RAB3GAP1: variants seen among roughly 807,000 people sequenced by gnomAD.
RAB3GAP1 encodes the protein RAB3 GTPase activating protein catalytic subunit 1, also known as rab3 GTPase-activating protein catalytic subunit.
A neutral mutation model predicts 130.7 loss-of-function variants in RAB3GAP1; 86 were observed. The ratio of observed to expected loss-of-function variants is 0.66; its 90% CI spans 0.55 to 0.79. The LOEUF is 0.79. RAB3GAP1 is among the 30% of genes least tolerant of loss of function. The pLI, the probability that RAB3GAP1 is intolerant of heterozygous loss-of-function variation, is 0.00. For synonymous variants in RAB3GAP1, 367 were observed against 401.7 expected (o/e 0.91, Z 1.03); for missense variants, 1,029 against 1,169.4 (o/e 0.88, Z 1.75).
chr2:135,131,661 G>T (rs1335104897), intron 13 of RAB3GAP1, among the ~76,000 whole-genome samples: 2 of 152,190 alleles, frequency 1.3e-5, no homozygotes, highest in Non-Finnish European at 1.5e-5. Context: ...CAGCCTGGGG[G>T]CCATCCACAC....
In RAB3GAP1 at chr2:135,168,556, G is replaced by A. The variant is rs138004494; in HGVS notation, c.2721G>A (p.Met907Ile). The change falls in exon 24 of 24, where the codon ATG (methionine) becomes ATA (isoleucine). Residue 907 changes from methionine (M) to isoleucine (I), a missense_variant. Around this residue, in one of 3 missense-constraint regions of RAB3GAP1, gnomAD observed 146 missense variants for 143.7 expected, o/e 1.02. Coordinates refer to ENST00000264158, the MANE Select transcript of RAB3GAP1 (RefSeq NM_012233.3). ...LFVNAQRAAA[M>I]TPPEEELKRM... ...TGATTCTTTTCCAGGCTGCAGCTAT[G>A]ACTCCACCAGAGGAGGAATTGAAGA... 1.5e-5 allele frequency: 24 copies of A among 1,613,516 alleles called. No homozygotes were observed. In the African/African-American group the frequency reaches 2.9e-4, roughly 20 times the overall value.
chr2:135,148,080 G>A (rs1258144847), intron 17 of RAB3GAP1, among the ~76,000 whole-genome samples: 1 of 152,070 alleles, frequency 6.6e-6, no homozygotes, highest in East Asian at 1.9e-4. Flanking sequence ...TGCATCTTAT[G>A]TATTTAGAAA....
intron 5 of RAB3GAP1, among the ~76,000 whole-genome samples, chr2:135,095,113 A>G (rs941056508): frequency 5.3e-5 from 8 of 151,926 alleles, no homozygotes. Context: ...CAGTGGCGTG[A>G]TCTCGGCTCA....
chr2:135,153,177 CTG>C (rs71808321), intron 18 of RAB3GAP1, among the ~76,000 whole-genome samples: 4,129 of 152,254 alleles, frequency 0.027, 167 homozygotes, highest in African/African-American at 0.093. Context: ...TTTTCCATCA[CTG>C]TGTTATTCTG....
chr2:135,056,104 G>A (rs1454214973), intron 2 of RAB3GAP1, among the ~76,000 whole-genome samples: 1 of 152,106 alleles, frequency 6.6e-6, no homozygotes, highest in African/African-American at 2.4e-5. Context: ...CCAAAGTGCT[G>A]GGATTACAGG....
chr2:135,113,363 G>C (rs1690875833), intron 6 of RAB3GAP1, 93 bp downstream of exon 6: 16 of 1,506,908 alleles, frequency 1.1e-5, no homozygotes, highest in South Asian at 4.6e-5. Context: ...CTTTTTAACT[G>C]TAATTAGGAA....
chr2:135,106,156 G>A (rs1418499365), intron 5 of RAB3GAP1, among the ~76,000 whole-genome samples: 8 of 150,286 alleles, frequency 5.3e-5, no homozygotes, highest in East Asian at 4.1e-4. Context: ...GCCTCCGTCC[G>A]GCCGCCGCCC....
rs138669731 is a variant in RAB3GAP1 at position 135,088,544 on chromosome 2, C to G, written c.151-2454C>G. ...TCTGTACTGAAAATTCAAAAATTAG[C>G]CAGGCGTGGTGGTGCATGCCTGTAA... On this transcript the variant is annotated intron_variant, in intron 3 of 23. Transcript: ENST00000264158. Among the ~76,000 whole-genome samples, 1,519 of 151,946 alleles carry G rather than the reference C, an allele frequency of 1.0e-2. 23 individuals are homozygous for G. Among genetic ancestry groups the G allele is most frequent in the African/African-American group, 0.035 (1,447 of 41,454 alleles).
At chr2:135,102,538 C>G (rs1160725475) in intron 5 of RAB3GAP1, among the ~76,000 whole-genome samples, 1 of 152,102 alleles carries the variant, frequency 6.6e-6, no homozygotes, top group African/African-American at 2.4e-5. Context: ...GAGAGTGGAA[C>G]AATACACTGA....
At chr2:135,155,276 C>A (rs1692279762) in intron 19 of RAB3GAP1, among the ~76,000 whole-genome samples, 1 of 151,370 alleles carries the variant, frequency 6.6e-6, no homozygotes, top group South Asian at 2.1e-4. Flanking sequence ...TTACAAGAGG[C>A]CCAAGTTTAA....
intron 3 of RAB3GAP1, among the ~76,000 whole-genome samples, chr2:135,079,548 G>C (rs1447234445): frequency 6.6e-6 from 1 of 152,010 alleles, no homozygotes; most frequent in Non-Finnish European, 1.5e-5. Flanking sequence ...TCCCCTATAG[G>C]GAACTTTAGC....
At position 135,052,319 on chromosome 2, in the gene RAB3GAP1, C is replaced by G. The variant is rs760094551; in HGVS notation, c.12C>G (p.Asp4Glu). Residue 4 changes from aspartate (D) to glutamate (E), a missense_variant, in exon 1 of 24, where the codon GAC (aspartate) becomes GAG (glutamate). This residue lies in a region of RAB3GAP1 where 510 missense variants were observed against 532.1 expected (regional missense o/e 0.96). Transcript: ENST00000264158. Reference sequence around the variant, plus strand: ...CGGCGCTCCTCAAGATGGCTGCCGACAGTGAGGTGATTTCTTTGCTCCCTA... The same window carrying G: ...CGGCGCTCCTCAAGATGGCTGCCGAGAGTGAGGTGATTTCTTTGCTCCCTA... The part of the protein sequence containing the change: MAA[D>E]SEPESEVFEI... 2 of 1,613,982 alleles carry G rather than the reference C, an allele frequency of 1.2e-6. No homozygotes were observed. The highest frequency in any genetic ancestry group is 1.7e-6 in the Non-Finnish European group (2 of 1,180,036).
At chr2:135,161,769 C>T (rs552538330) in intron 19 of RAB3GAP1, among the ~76,000 whole-genome samples, 2 of 152,264 alleles carry the variant, frequency 1.3e-5, no homozygotes, top group Non-Finnish European at 2.9e-5. Context: ...TAAGAAATTA[C>T]ATATGCATCT....
In RAB3GAP1 at chr2:135,102,872, G is replaced by A. The variant is rs200982489; in HGVS notation, c.362+9179G>A. ...CTACTAAAAATAACAAAAATTAGCC[G>A]GGCGTGGTGGCGCACACCTGTAGTC... On this transcript the variant is annotated intron_variant, in intron 5 of 23. Coordinates refer to ENST00000264158, the MANE Select transcript of RAB3GAP1 (RefSeq NM_012233.3). 7.8e-4 allele frequency among the ~76,000 whole-genome samples: 118 copies of A among 151,542 alleles called. 1 individual carries two copies. In the East Asian group the frequency reaches 0.019, roughly 24 times the overall value.
At chr2:135,121,736 G>A (rs1691207663) in intron 8 of RAB3GAP1, among the ~76,000 whole-genome samples, 1 of 151,990 alleles carries the variant, frequency 6.6e-6, no homozygotes, top group Admixed American at 6.6e-5. Context: ...GTTTATTTTT[G>A]TTCCAAATAG....
intron 7 of RAB3GAP1, among the ~76,000 whole-genome samples, chr2:135,117,281 T>A (rs545189988): frequency 6.6e-6 from 1 of 152,224 alleles, no homozygotes; most frequent in East Asian, 1.9e-4. Context: ...GTTTGGGAAA[T>A]TTTTGAAAAA....
intron 5 of RAB3GAP1, among the ~76,000 whole-genome samples, chr2:135,106,186 G>C (rs2104900649): frequency 6.6e-6 from 1 of 151,132 alleles, no homozygotes; most frequent in South Asian, 2.1e-4. Flanking sequence ...GGTGGGGGGT[G>C]CCTCTGCCCG....
intron 17 of RAB3GAP1, among the ~76,000 whole-genome samples, chr2:135,146,889 C>G (rs550934324): frequency 5.2e-4 from 79 of 151,628 alleles, no homozygotes; most frequent in African/African-American, 1.8e-3. Context: ...ATAAACATTC[C>G]AAAAATAATG....
intron 5 of RAB3GAP1, among the ~76,000 whole-genome samples, chr2:135,096,085 A>G (rs1690285275): frequency 6.6e-6 from 1 of 152,212 alleles, no homozygotes; most frequent in Non-Finnish European, 1.5e-5. Flanking sequence ...TTTACATCAC[A>G]TTTAAAAGGT....
Sources: allele counts gnomAD v4.1 joint callset (sites outside exome capture counted in the v4.1 genomes callset), GRCh38; gene constraint gnomAD v4.1.1; regional missense constraint gnomAD v4.1.1; transcripts MANE v1.5; gene names NCBI Gene and HGNC (gene_info 2026-07-23, HGNC 2026-07-21).